Variants in PDLIM5 observed in about 807,000 individuals in gnomAD.
The protein encoded by PDLIM5 is PDZ and LIM domain 5, also known as PDZ and LIM domain protein 5.
In PDLIM5, 34 loss-of-function variants were observed where a neutral mutation model predicts 64.2. The observed-to-expected ratio is 0.53, with a 90% CI of 0.40 to 0.71. PDLIM5 has a LOEUF of 0.71. PDLIM5 is among the 30% of genes least tolerant of loss of function. PDLIM5 has a pLI of 0.00. For missense variants in PDLIM5, 683 were observed against 733.6 expected (o/e 0.93, Z 0.80); for synonymous variants, 253 against 269.1 (o/e 0.94, Z 0.59).
In PDLIM5 at chr4:94,664,072, CA is replaced by C; in HGVS notation, c.*7del. 1 of 1,587,778 alleles carries C rather than the reference CA, an allele frequency of 6.3e-7. No homozygotes were observed. Among genetic ancestry groups the C allele is most frequent in the Non-Finnish European group, 8.6e-7 (1 of 1,163,088 alleles). On this transcript the variant is annotated 3_prime_UTR_variant, in exon 13 of 13. Coordinates refer to ENST00000317968, the MANE Select transcript of PDLIM5 (RefSeq NM_006457.5). ...GCTCATTCTGTGAATTTTTGAAAGT[CA>C]ACAGTTCAGGAGAAGAGAAGGAATT...
rs576593219 is a variant in PDLIM5, at chr4:94,547,760, C to T, written c.248+23885C>T. Among the ~76,000 whole-genome samples the T allele has an allele frequency of 3.3e-5, 5 of 152,244 alleles. No individual in the cohort carries two copies. The South Asian group carries it at 1.0e-3, about 32-fold the overall frequency. On this transcript the variant is annotated intron_variant, in intron 3 of 12. Transcript: ENST00000317968. ...GATGCATTTTATTACCACCTGTTTGCCAGAATTATATTCAGACTCCTTTCT... is the reference window on the plus strand; with the variant it reads ...GATGCATTTTATTACCACCTGTTTGTCAGAATTATATTCAGACTCCTTTCT...
At position 94,640,404 on chromosome 4, in the gene PDLIM5, G is replaced by A. The variant is rs1188882962; in HGVS notation, c.1237G>A (p.Ala413Thr). The change falls in exon 9 of 13, where the codon GCA (alanine) becomes ACA (threonine). Residue 413 changes from alanine (A) to threonine (T), a missense_variant. Transcript: ENST00000317968. ...AGTGCAAAGAGCTGAGCACATTCCA[G>A]CAGGGAAACGAACTCCGATGTGCGC... ...TLVQRAEHIP[A>T]GKRTPMCAHC... The A allele has an allele frequency of 6.2e-7, 1 of 1,611,068 alleles. No individual in the cohort carries two copies. The highest frequency in any genetic ancestry group is 8.5e-7 in the Non-Finnish European group (1 of 1,178,456).
intron 2 of PDLIM5, among the ~76,000 whole-genome samples, chr4:94,523,301 C>T (rs928900781): frequency 6.6e-6 from 1 of 152,096 alleles, no homozygotes; most frequent in African/African-American, 2.4e-5. Context: ...TGTGCTCAAA[C>T]AAAAATACAG....
intron 2 of PDLIM5, among the ~76,000 whole-genome samples, chr4:94,478,296 T>TAA (rs1349439000): frequency 4.7e-5 from 7 of 150,520 alleles, no homozygotes; most frequent in Non-Finnish European, 8.9e-5. Flanking sequence ...AATATATATA[T>TAA]AATGCAAAAT....
chr4:94,627,617 G>A (rs774821323), intron 8 of PDLIM5, among the ~76,000 whole-genome samples: 4 of 152,174 alleles, frequency 2.6e-5, no homozygotes, highest in African/African-American at 7.2e-5. Context: ...GCTACGGTAC[G>A]GTTGTTTACG....
At chr4:94,457,604 A>T (rs966144689) in intron 2 of PDLIM5, among the ~76,000 whole-genome samples, 1 of 152,242 alleles carries the variant, frequency 6.6e-6, no homozygotes, top group Non-Finnish European at 1.5e-5. Context: ...AAATGAGCCA[A>T]ACTTAATTAT....
chr4:94,623,929 A>G (rs1739453797), intron 8 of PDLIM5, among the ~76,000 whole-genome samples: 1 of 152,236 alleles, frequency 6.6e-6, no homozygotes, highest in Non-Finnish European at 1.5e-5. Flanking sequence ...GAACATGAGC[A>G]GTACCATAAC....
chr4:94,629,103 C>T lies in PDLIM5; in HGVS notation c.1108+10912C>T, dbSNP rs370220832. Among the ~76,000 whole-genome samples, 22 of 152,276 alleles carry T rather than the reference C, an allele frequency of 1.4e-4. No homozygotes were observed. The East Asian group carries it at 1.9e-3, about 13-fold the overall frequency. On this transcript the variant is annotated intron_variant, in intron 8 of 12. Transcript: ENST00000317968. ...CAGTGGCCCATGCCTGTAATCCCAG[C>T]ACTTTGGGAAGCCAAGGCTGGCAGA... is the stretch of plus-strand genomic sequence containing the variant.
chr4:94,610,146 T>C (rs1738246515), intron 7 of PDLIM5: 2 of 1,494,186 alleles, frequency 1.3e-6, no homozygotes, highest in Non-Finnish European at 1.8e-6. Context: ...CTGTTTTTCT[T>C]TCCCTACCTG....
chr4:94,579,454 C>A (rs1195638558), intron 5 of PDLIM5: 1 of 736,330 alleles, frequency 1.4e-6, no homozygotes. Context: ...CTTTGAAGAA[C>A]CTGGCCTTGG....
intron 5 of PDLIM5, among the ~76,000 whole-genome samples, chr4:94,579,057 C>G (rs553187359): frequency 5.3e-4 from 81 of 152,092 alleles, no homozygotes; most frequent in African/African-American, 1.7e-3. Flanking sequence ...GCTGTTCATC[C>G]TAATAGCATG....
In PDLIM5 at chr4:94,472,303, A is replaced by G. The variant is rs1324108535; in HGVS notation, c.96+16919A>G. On this transcript the variant is annotated intron_variant, in intron 2 of 12. Coordinates refer to ENST00000317968, the MANE Select transcript of PDLIM5 (RefSeq NM_006457.5). ...TTCCATCTGTCATGGTCTGGCATAA[A>G]CTCTCCAAGAGATTTGAAGGGAGAG... Among the ~76,000 whole-genome samples the G allele has an allele frequency of 2.6e-5, 4 of 151,914 alleles. No individual in the cohort carries two copies. In the East Asian group the frequency reaches 5.8e-4, roughly 22 times the overall value.
At chr4:94,455,527 A>G (rs546114566) in intron 2 of PDLIM5, 143 bp downstream of exon 2, 2 of 689,706 alleles carry the variant, frequency 2.9e-6, no homozygotes, top group East Asian at 2.7e-5. Flanking sequence ...ATTATCTATA[A>G]TAAAGGATGA....
At chr4:94,617,722 A>G (rs1738902485) in intron 7 of PDLIM5, among the ~76,000 whole-genome samples, 1 of 151,924 alleles carries the variant, frequency 6.6e-6, no homozygotes, top group South Asian at 2.1e-4. Context: ...GACTTTTATC[A>G]TTTAAAATGA....
chr4:94,514,657 A>G (rs745988520), intron 2 of PDLIM5, among the ~76,000 whole-genome samples: 21 of 152,160 alleles, frequency 1.4e-4, no homozygotes, highest in Middle Eastern at 3.2e-3. Flanking sequence ...CAATGAAGCC[A>G]TTGGGTCCAA....
intron 2 of PDLIM5, among the ~76,000 whole-genome samples, chr4:94,468,099 G>T (rs113146260): frequency 0.012 from 1,805 of 152,206 alleles, 40 homozygotes; most frequent in African/African-American, 0.041. Context: ...CTTGATGGTG[G>T]GATTTAGAAG....
At chr4:94,615,456 G>A (rs1456206415) in intron 7 of PDLIM5, among the ~76,000 whole-genome samples, 1 of 152,028 alleles carries the variant, frequency 6.6e-6, no homozygotes, top group Non-Finnish European at 1.5e-5. Context: ...TATTAATTAT[G>A]GATAAGATGT....
intron 5 of PDLIM5, chr4:94,582,922 C>T (rs1735853211): frequency 1.9e-6 from 1 of 536,062 alleles, no homozygotes; most frequent in Non-Finnish European, 3.3e-6. Flanking sequence ...GTTTAGAACA[C>T]CCACACTTCT....
chr4:94,664,378 A>G lies in PDLIM5; in HGVS notation c.*311A>G. The G allele has an allele frequency of 1.4e-6, 1 of 707,652 alleles. No homozygotes were observed. The highest frequency in any genetic ancestry group is 1.7e-6 in the Non-Finnish European group (1 of 573,550). The allele number at this position is 707,652 out of a possible 1,614,324, so 43.8% of individuals were successfully genotyped here. On this transcript the variant is annotated 3_prime_UTR_variant, in exon 13 of 13. Transcript: ENST00000317968. ...TAGTGAAGAATTTAATTTTAGAATA[A>G]ATAATCCAATCTGAAATAATTATAC...
Sources: allele counts gnomAD v4.1 joint callset (sites outside exome capture counted in the v4.1 genomes callset), GRCh38; gene constraint gnomAD v4.1.1; transcripts MANE v1.5; gene names NCBI Gene and HGNC (gene_info 2026-07-23, HGNC 2026-07-21).